PTPRT: variants seen among roughly 807,000 people sequenced by gnomAD.
The protein encoded by PTPRT is protein tyrosine phosphatase receptor type T.
Under a neutral mutation model 176.8 loss-of-function variants are expected in PTPRT, and 56 were observed. That is an observed-to-expected ratio of 0.32 (90% CI 0.26 to 0.40). PTPRT has a LOEUF of 0.40. Among genes scored for constraint, PTPRT ranks in the 10% least tolerant of loss-of-function variants. The pLI is 1.00. For missense variants in PTPRT, 1,540 were observed against 1,908.2 expected, an observed-to-expected ratio of 0.81 and a Z score of 3.60; for synonymous variants, 783 against 739.0, an observed-to-expected ratio of 1.06 and a Z score of -0.96.
chr20:42,080,765 G>T lies in PTPRT; in HGVS notation c.*114C>A. The T allele has an allele frequency of 9.6e-7, 1 of 1,040,208 alleles. No homozygotes were observed. The highest frequency in any genetic ancestry group is 1.5e-6 in the Non-Finnish European group (1 of 683,040). The allele number at this position is 1,040,208 out of a possible 1,614,324, so 64.4% of individuals were successfully genotyped here. On this transcript the variant is annotated 3_prime_UTR_variant, in exon 31 of 31. Transcript: ENST00000373187. ...ACACAGGGCCACCAGTCTTCTCCTT[G>T]GAGTCAGGCAGGGTGCCACCTCAGA...
chr20:42,880,312 A>G (rs2078995436), intron 2 of PTPRT, among the ~76,000 whole-genome samples: 1 of 152,212 alleles, frequency 6.6e-6, no homozygotes, highest in South Asian at 2.1e-4. Context: ...CCTAAAATAT[A>G]GTCTCAGCTC....
At chr20:42,539,440 T>G (rs2145572893) in intron 7 of PTPRT, among the ~76,000 whole-genome samples, 1 of 151,520 alleles carries the variant, frequency 6.6e-6, no homozygotes, top group South Asian at 2.1e-4. Flanking sequence ...TTTCTTGATC[T>G]CTCATTGCTT....
rs62203554 is a variant in PTPRT at position 42,463,868 on chromosome 20, A to G, written c.1450+8398T>C. On this transcript the variant is annotated intron_variant, in intron 8 of 30. Coordinates refer to ENST00000373187, the MANE Select transcript of PTPRT (RefSeq NM_007050.6). Reference sequence around the variant, plus strand: ...GAGAGATTTAGATAATTTTAGTCTCATATTTCCTAGTCGTGTTGGAGAAAA... The same window carrying G: ...GAGAGATTTAGATAATTTTAGTCTCGTATTTCCTAGTCGTGTTGGAGAAAA... Among the ~76,000 whole-genome samples the G allele has an allele frequency of 8.1e-3, 1,238 of 152,316 alleles. 11 individuals are homozygous for G. The highest frequency in any genetic ancestry group is 0.014 in the Middle Eastern group (4 of 294).
At chr20:42,634,011 A>AAT (rs1167571912) in intron 7 of PTPRT, among the ~76,000 whole-genome samples, 1 of 18,200 alleles carries the variant, frequency 5.5e-5, no homozygotes, top group Admixed American at 1.0e-3. Flanking sequence ...ATATATATAT[A>AAT]ATATATATAT....
At chr20:42,452,434 C>T (rs751560842) in intron 8 of PTPRT, among the ~76,000 whole-genome samples, 7 of 152,034 alleles carry the variant, frequency 4.6e-5, no homozygotes, top group African/African-American at 1.4e-4. Flanking sequence ...ATGCTTTGTA[C>T]GGAGGAATTG....
intron 4 of PTPRT, among the ~76,000 whole-genome samples, chr20:42,773,556 C>T (rs2145472425): frequency 6.6e-6 from 1 of 152,250 alleles, no homozygotes; most frequent in Admixed American, 6.5e-5. Flanking sequence ...GTGTCAAGGA[C>T]CCAAGGCCCG....
intron 2 of PTPRT, among the ~76,000 whole-genome samples, chr20:42,851,463 G>A (rs2078469001): frequency 6.6e-6 from 1 of 151,820 alleles, no homozygotes; most frequent in Non-Finnish European, 1.5e-5. Context: ...TCCATTATAG[G>A]CATCTATAAT....
chr20:42,715,823 A>C lies in PTPRT; in HGVS notation c.860-37664T>G, dbSNP rs370348622. ...CGTAAATTTTGATCAAAATCCCAAA[A>C]GTATTTTTTCTTTTTAAATAAATCA... On this transcript the variant is annotated intron_variant, in intron 6 of 30. Coordinates refer to ENST00000373187, the MANE Select transcript of PTPRT (RefSeq NM_007050.6). 3.8e-3 allele frequency among the ~76,000 whole-genome samples: 583 copies of C among 152,336 alleles called. 4 individuals are homozygous for C. Among genetic ancestry groups the C allele is most frequent in the Middle Eastern group, 0.01 (3 of 294 alleles).
intron 7 of PTPRT, among the ~76,000 whole-genome samples, chr20:42,560,515 C>G (rs2072934766): frequency 6.6e-6 from 1 of 152,090 alleles, no homozygotes; most frequent in Non-Finnish European, 1.5e-5. Context: ...AAAATGTGAC[C>G]AAAAATGTCC....
intron 19 of PTPRT, among the ~76,000 whole-genome samples, chr20:42,126,085 C>T (rs2146352564): frequency 6.6e-6 from 1 of 152,176 alleles, no homozygotes; most frequent in African/African-American, 2.4e-5. Flanking sequence ...GTCTGGTTCC[C>T]ATCCTGGTTC....
intron 7 of PTPRT, among the ~76,000 whole-genome samples, chr20:42,538,324 C>T (rs1232092536): frequency 6.6e-6 from 1 of 152,108 alleles, no homozygotes; most frequent in East Asian, 1.9e-4. Context: ...GAAATCCGAA[C>T]ATACTAATAG....
chr20:42,801,451 C>G (rs1319312727), intron 2 of PTPRT, among the ~76,000 whole-genome samples: 1 of 152,192 alleles, frequency 6.6e-6, no homozygotes, highest in Non-Finnish European at 1.5e-5. Flanking sequence ...TGAAGGCTAA[C>G]CCCTCCACCA....
Position 42,737,459 on chromosome 20 carries a change from C to T in PTPRT, c.859+19003G>A, listed in dbSNP as rs148829536. On this transcript the variant is annotated intron_variant, in intron 6 of 30. Transcript: ENST00000373187. Reference sequence around the variant, plus strand: ...CAGCCTGGTCAACATGGCTAAACCCCGTCTCTACTAAAAATGCAAAAATTA... The same window carrying T: ...CAGCCTGGTCAACATGGCTAAACCCTGTCTCTACTAAAAATGCAAAAATTA... Among the ~76,000 whole-genome samples, 32 of 152,120 alleles carry T rather than the reference C, an allele frequency of 2.1e-4. 1 individual carries two copies. Among genetic ancestry groups the T allele is most frequent in the African/African-American group, 7.0e-4 (29 of 41,514 alleles).
At chr20:43,079,885 G>A (rs1048855305) in intron 1 of PTPRT, among the ~76,000 whole-genome samples, 6 of 152,144 alleles carry the variant, frequency 3.9e-5, no homozygotes, top group African/African-American at 1.4e-4. Flanking sequence ...TTAGTTTAGA[G>A]TAGTAGCAAT....
chr20:42,248,631 C>G, intron 14 of PTPRT, 56 bp downstream of exon 14: 1 of 1,594,058 alleles, frequency 6.3e-7, no homozygotes, highest in Non-Finnish European at 8.6e-7. Context: ...GGCCACACAG[C>G]AGTGTTGAGG....
At chr20:42,216,969 A>G (rs1218651032) in intron 15 of PTPRT, among the ~76,000 whole-genome samples, 8 of 152,160 alleles carry the variant, frequency 5.3e-5, no homozygotes, top group Admixed American at 3.3e-4. Flanking sequence ...AGTTCCTAGG[A>G]GACGCTAGGT....
chr20:42,115,154 G>T (rs958918788), intron 22 of PTPRT, 45 bp downstream of exon 22: 1 of 1,384,288 alleles, frequency 7.2e-7, no homozygotes. Context: ...CAAACAAGCT[G>T]GCTCTCATGG....
chr20:42,239,613 G>A (rs367644720), intron 14 of PTPRT, among the ~76,000 whole-genome samples: 2 of 151,504 alleles, frequency 1.3e-5, no homozygotes, highest in South Asian at 2.1e-4. Flanking sequence ...TAGTAGAGAC[G>A]GGGTTTCACT....
chr20:42,255,008 C>A (rs1600733949), intron 13 of PTPRT, among the ~76,000 whole-genome samples: 2 of 152,058 alleles, frequency 1.3e-5, no homozygotes, highest in African/African-American at 2.4e-5. Context: ...CACCCCCTCA[C>A]CCTGACCCTC....
Sources: allele counts gnomAD v4.1 joint callset (sites outside exome capture counted in the v4.1 genomes callset), GRCh38; gene constraint gnomAD v4.1.1; transcripts MANE v1.5; gene names NCBI Gene and HGNC (gene_info 2026-07-23, HGNC 2026-07-21).